The following EXOC4 variants were observed in gnomAD, a reference collection of about 807,000 sequenced individuals.
EXOC4 encodes the protein SEC8-like 1.
A neutral mutation model predicts 107.2 loss-of-function variants in EXOC4; 71 were observed. The observed-to-expected ratio is 0.66, with a 90% confidence interval of 0.55 to 0.81. The LOEUF (loss-of-function observed/expected upper bound fraction) is 0.81, where lower values mean the gene tolerates loss of function less well. EXOC4 is among the 30% of genes least tolerant of loss of function. The pLI is 0.00. For synonymous variants in EXOC4, 456 were observed against 441.2 expected, an observed-to-expected ratio of 1.03 and a Z score of -0.42; for missense variants, 1,108 against 1,189.6, an observed-to-expected ratio of 0.93 and a Z score of 1.01.
intron 7 of EXOC4, among the ~76,000 whole-genome samples, chr7:133,418,833 G>A (rs1797537350): frequency 6.6e-6 from 1 of 152,138 alleles, no homozygotes; most frequent in South Asian, 2.1e-4. Context: ...GTATTTTATA[G>A]CGAACTTCTA....
At chr7:133,736,990 C>T (rs1213701612) in intron 10 of EXOC4, among the ~76,000 whole-genome samples, 1 of 152,146 alleles carries the variant, frequency 6.6e-6, no homozygotes, top group Admixed American at 6.5e-5. Context: ...ATGCCATAAA[C>T]ATCATATTTA....
At chr7:133,966,551 A>C (rs1011326441) in intron 14 of EXOC4, among the ~76,000 whole-genome samples, 3 of 152,138 alleles carry the variant, frequency 2.0e-5, no homozygotes, top group Non-Finnish European at 4.4e-5. Flanking sequence ...GTTGAATTTT[A>C]TCGAAGGCTT....
intron 9 of EXOC4, among the ~76,000 whole-genome samples, chr7:133,598,813 C>G (rs879931781): frequency 2.0e-5 from 3 of 151,982 alleles, no homozygotes; most frequent in African/African-American, 7.3e-5. Context: ...GAAACCTTGT[C>G]TCTACTAAAA....
At chr7:133,999,574 A>G (rs1013347472) in intron 15 of EXOC4, among the ~76,000 whole-genome samples, 2 of 152,234 alleles carry the variant, frequency 1.3e-5, no homozygotes, top group Non-Finnish European at 2.9e-5. Context: ...ACAAGCGGAC[A>G]GAGAAATCAG....
chr7:133,751,947 C>G (rs1208189260), intron 10 of EXOC4, among the ~76,000 whole-genome samples: 2 of 150,462 alleles, frequency 1.3e-5, no homozygotes, highest in Non-Finnish European at 3.0e-5. Flanking sequence ...GAGTTTGAGA[C>G]CAGCCTGCAC....
At chr7:133,724,161 A>T (rs1795167347) in intron 10 of EXOC4, among the ~76,000 whole-genome samples, 1 of 152,210 alleles carries the variant, frequency 6.6e-6, no homozygotes, top group Non-Finnish European at 1.5e-5. Context: ...TGGTAAGTTT[A>T]GTCTTAGGCC....
At chr7:133,484,356 G>T (rs1182075024) in intron 9 of EXOC4, among the ~76,000 whole-genome samples, 4 of 152,080 alleles carry the variant, frequency 2.6e-5, no homozygotes, top group Non-Finnish European at 5.9e-5. Context: ...TTGTGGGTGT[G>T]TCAGTGTTAA....
chr7:133,350,402 C>T (rs910496229), intron 5 of EXOC4, among the ~76,000 whole-genome samples: 2 of 151,452 alleles, frequency 1.3e-5, no homozygotes, highest in Non-Finnish European at 3.0e-5. Context: ...ATATTGTTTC[C>T]CTGTACAGCA....
intron 9 of EXOC4, among the ~76,000 whole-genome samples, chr7:133,570,170 T>C (rs1800992237): frequency 6.6e-6 from 1 of 152,192 alleles, no homozygotes; most frequent in African/African-American, 2.4e-5. Flanking sequence ...TGTCAATATA[T>C]AATGTATAAT....
intron 17 of EXOC4, among the ~76,000 whole-genome samples, chr7:134,041,119 ATC>A (rs1297620300): frequency 1.3e-5 from 2 of 152,202 alleles, no homozygotes; most frequent in Non-Finnish European, 2.9e-5. Context: ...GTTTGAGTTG[ATC>A]CTAAATAAGG....
chr7:134,059,031 C>G (rs898127508), intron 17 of EXOC4, among the ~76,000 whole-genome samples: 1 of 152,128 alleles, frequency 6.6e-6, no homozygotes, highest in African/African-American at 2.4e-5. Flanking sequence ...AACACAGTTT[C>G]CATTCCGGGA....
chr7:133,965,650 T>C (rs1169135501), intron 14 of EXOC4, among the ~76,000 whole-genome samples: 1 of 152,176 alleles, frequency 6.6e-6, no homozygotes, highest in Non-Finnish European at 1.5e-5. Context: ...TGTGGTGTTA[T>C]TTCTGAGTCC....
chr7:133,905,424 C>A (rs1799543915), intron 12 of EXOC4, among the ~76,000 whole-genome samples: 1 of 152,136 alleles, frequency 6.6e-6, no homozygotes, highest in South Asian at 2.1e-4. Flanking sequence ...GGAAACTCAG[C>A]TGTGAATTCT....
intron 17 of EXOC4, among the ~76,000 whole-genome samples, chr7:134,040,705 A>G (rs1421278256): frequency 6.6e-6 from 1 of 152,236 alleles, no homozygotes; most frequent in Non-Finnish European, 1.5e-5. Flanking sequence ...ATTTTTAGCA[A>G]TATGTAGCTA....
chr7:133,453,902 A>G (rs1798405525), intron 7 of EXOC4, among the ~76,000 whole-genome samples: 2 of 152,140 alleles, frequency 1.3e-5, no homozygotes, highest in African/African-American at 2.4e-5. Context: ...TGCTTCATTC[A>G]TGTCACTGGA....
At chr7:133,469,789 T>G (rs1161041884) in intron 7 of EXOC4, among the ~76,000 whole-genome samples, 1 of 152,244 alleles carries the variant, frequency 6.6e-6, no homozygotes, top group Admixed American at 6.5e-5. Flanking sequence ...CTGGGTTTCC[T>G]ATTTCTCTCT....
rs578042473 is a variant in EXOC4 at position 133,917,569 on chromosome 7, T to C, written c.1872-14T>C. ...ATCATGCTACAGTGTCTCTTTTCTA[T>C]TGGCTGTGTTTAGGGGTATTGTCCA... On this transcript the variant is annotated splice_polypyrimidine_tract_variant and intron_variant, in intron 12 of 17. Coordinates refer to ENST00000253861, the MANE Select transcript of EXOC4 (RefSeq NM_021807.4). The C allele has an allele frequency of 1.2e-6, 2 of 1,612,226 alleles. No individual in the cohort carries two copies. The highest frequency in any genetic ancestry group is 3.3e-5 in the Admixed American group (2 of 59,870).
At chr7:133,459,192 T>G (rs1798532500) in intron 7 of EXOC4, among the ~76,000 whole-genome samples, 1 of 152,196 alleles carries the variant, frequency 6.6e-6, no homozygotes, top group Non-Finnish European at 1.5e-5. Context: ...GCTGTCTTTT[T>G]TCTTTTCTGT....
intron 9 of EXOC4, among the ~76,000 whole-genome samples, chr7:133,486,421 C>T (rs1032836424): frequency 6.6e-6 from 1 of 152,092 alleles, no homozygotes; most frequent in African/African-American, 2.4e-5. Context: ...CACACATTTT[C>T]AGGGTCACTT....
Sources: allele counts gnomAD v4.1 joint callset (sites outside exome capture counted in the v4.1 genomes callset), GRCh38; gene constraint gnomAD v4.1.1; transcripts MANE v1.5; gene names NCBI Gene and HGNC (gene_info 2026-07-23, HGNC 2026-07-21).